Variants in SND1 observed in about 807,000 individuals in gnomAD.
SND1 encodes staphylococcal nuclease domain-containing protein 1.
Under a neutral mutation model 121.7 loss-of-function variants are expected in SND1, and 38 were observed. That is an observed-to-expected ratio of 0.31 (90% CI 0.24 to 0.41). The LOEUF is 0.41. SND1 is among the 10% of genes least tolerant of loss of function. The probability of loss-of-function intolerance (pLI) is 1.00; values close to 1 mark genes in which losing one functional copy is unlikely to be tolerated. For missense variants in SND1, 868 were observed against 1,184.6 expected (o/e 0.73, Z 3.92); for synonymous variants, 401 against 447.4 (o/e 0.90, Z 1.31).
chr7:128,025,957 C>T (rs1389489295), intron 16 of SND1, among the ~76,000 whole-genome samples: 2 of 151,780 alleles, frequency 1.3e-5, no homozygotes, highest in Non-Finnish European at 2.9e-5. Context: ...GACTGTTAGC[C>T]ACAGACCCTT....
At chr7:128,071,449 A>C (rs1160828595) in intron 16 of SND1, among the ~76,000 whole-genome samples, 1 of 152,254 alleles carries the variant, frequency 6.6e-6, no homozygotes, top group Non-Finnish European at 1.5e-5. Context: ...CTATCTTTTA[A>C]TTAAGAGAAG....
intron 16 of SND1, chr7:127,997,949 C>A (rs1802709947): frequency 1.9e-6 from 1 of 534,708 alleles, no homozygotes; most frequent in South Asian, 1.4e-5. Context: ...TCAGTTCCCA[C>A]AGCACCCTGT....
intron 10 of SND1, among the ~76,000 whole-genome samples, chr7:127,756,991 T>C (rs1396919112): frequency 1.3e-5 from 2 of 152,214 alleles, no homozygotes; most frequent in African/African-American, 4.8e-5. Context: ...AATGTAAATA[T>C]ATGTACAATT....
Position 128,006,235 on chromosome 7 carries a change from C to A in SND1, c.1779+15179C>A, listed in dbSNP as rs979414988. ...GAAACAAGCATGGGAAGGGTGCGTG[C>A]GTGCGTGCGTGTGTGTGTGTGTTCA... On this transcript the variant is annotated intron_variant, in intron 16 of 23. Coordinates refer to ENST00000354725, the MANE Select transcript of SND1 (RefSeq NM_014390.4). 2.6e-5 allele frequency among the ~76,000 whole-genome samples: 4 copies of A among 151,942 alleles called. No individual in the cohort carries two copies. The East Asian group carries it at 7.7e-4, about 29-fold the overall frequency.
chr7:128,001,606 T>C (rs571037695), intron 16 of SND1, among the ~76,000 whole-genome samples: 1 of 152,348 alleles, frequency 6.6e-6, no homozygotes, highest in South Asian at 2.1e-4. Flanking sequence ...ACTCAGTGAA[T>C]GGTAGCTTAC....
intron 10 of SND1, among the ~76,000 whole-genome samples, chr7:127,788,703 T>C (rs957571215): frequency 2.6e-5 from 4 of 152,218 alleles, no homozygotes; most frequent in African/African-American, 9.6e-5. Flanking sequence ...TGTCATATCT[T>C]CCTTCTTCAA....
intron 1 of SND1, among the ~76,000 whole-genome samples, chr7:127,672,288 TAAA>T (rs1795532560): frequency 6.6e-6 from 1 of 152,010 alleles, no homozygotes. Flanking sequence ...AGGAACACAA[TAAA>T]ACCATCAAGA....
At chr7:127,684,139 G>T (rs1297975433) in intron 1 of SND1, among the ~76,000 whole-genome samples, 1 of 152,326 alleles carries the variant, frequency 6.6e-6, no homozygotes, top group South Asian at 2.1e-4. Flanking sequence ...GAGCTTCTCA[G>T]TTTGATTTGT....
chr7:127,667,733 G>C (rs890824125), intron 1 of SND1, among the ~76,000 whole-genome samples: 14 of 152,334 alleles, frequency 9.2e-5, no homozygotes, highest in African/African-American at 3.4e-4. Flanking sequence ...CAATATTACA[G>C]ATCAGGCGTC....
intron 19 of SND1, 82 bp downstream of exon 19, chr7:128,084,929 C>T: frequency 1.4e-6 from 2 of 1,419,506 alleles, no homozygotes; most frequent in Non-Finnish European, 1.9e-6. Flanking sequence ...GTTGCCTTAG[C>T]AGTCTGGTTT....
intron 10 of SND1, among the ~76,000 whole-genome samples, chr7:127,806,348 A>G (rs778079347): frequency 6.6e-6 from 1 of 151,898 alleles, no homozygotes; most frequent in African/African-American, 2.4e-5. Context: ...TGTTACCTTC[A>G]TCTAGATAGA....
In SND1 at chr7:127,698,856, C is replaced by T. The variant is rs769607991; in HGVS notation, c.350-19C>T. ...GCAGGTTTGAATCTTGTTTTTAAATCCCCCCTTTTCCTCCTCAGATACCAA... is the reference window on the plus strand; with the variant it reads ...GCAGGTTTGAATCTTGTTTTTAAATTCCCCCTTTTCCTCCTCAGATACCAA... On this transcript the variant is annotated intron_variant, in intron 3 of 23. Coordinates refer to ENST00000354725, the MANE Select transcript of SND1 (RefSeq NM_014390.4). The T allele has an allele frequency of 6.8e-6, 11 of 1,608,796 alleles. No individual in the cohort carries two copies. The South Asian group carries it at 1.1e-4, about 16-fold the overall frequency.
chr7:127,704,520 C>T (rs1179946694), intron 7 of SND1, among the ~76,000 whole-genome samples: 1 of 152,192 alleles, frequency 6.6e-6, no homozygotes, highest in Admixed American at 6.5e-5. Flanking sequence ...TTAACATCCT[C>T]CTCTGCCCAC....
chr7:128,084,603 G>C, intron 18 of SND1, 121 bp from the exon 19 acceptor site: 1 of 1,073,724 alleles, frequency 9.3e-7, no homozygotes, highest in Non-Finnish European at 1.3e-6. Flanking sequence ...GACAGAGCCA[G>C]TGCTGCAGTG....
At chr7:127,829,699 A>G (rs907159558) in intron 11 of SND1, among the ~76,000 whole-genome samples, 2 of 152,248 alleles carry the variant, frequency 1.3e-5, no homozygotes, top group East Asian at 3.8e-4. Context: ...CCTTACAATC[A>G]GTACATTCTG....
intron 1 of SND1, among the ~76,000 whole-genome samples, chr7:127,662,968 GCAGCCTCAACCTCC>G (rs998955589): frequency 1.4e-5 from 2 of 143,580 alleles, no homozygotes; most frequent in Non-Finnish European, 3.0e-5. Context: ...ATGGCTTACT[GCAGCCTCAACCTCC>G]CAGGCTCAGG....
At chr7:127,832,047 T>C (rs1798751020) in intron 11 of SND1, among the ~76,000 whole-genome samples, 1 of 152,234 alleles carries the variant, frequency 6.6e-6, no homozygotes. Flanking sequence ...CATCTTTCCA[T>C]AGCAGAATGT....
At chr7:127,940,852 G>C (rs932850399) in intron 15 of SND1, among the ~76,000 whole-genome samples, 1 of 152,196 alleles carries the variant, frequency 6.6e-6, no homozygotes, top group Non-Finnish European at 1.5e-5. Flanking sequence ...TGTCCAATGT[G>C]GGCAGCATGT....
rs749404509 is a variant in SND1 at position 128,029,810 on chromosome 7, G to A, written c.1779+38754G>A. The A allele has an allele frequency of 9.3e-6, 15 of 1,613,640 alleles. No individual in the cohort carries two copies. Among genetic ancestry groups the A allele is most frequent in the East Asian group, 6.7e-5 (3 of 44,890 alleles). On this transcript the variant is annotated intron_variant, in intron 16 of 23. Transcript: ENST00000354725. The surrounding 1 kb of genome is among the most constrained non-coding windows in gnomAD (Gnocchi z 4.2). ...AGAGGTCATGGGGCAAAGAAGAGAG[G>A]TTATTGTGGGCCAAGTTGAGTTCCA... is the stretch of plus-strand genomic sequence containing the variant.
Sources: allele counts gnomAD v4.1 joint callset (sites outside exome capture counted in the v4.1 genomes callset), GRCh38; gene constraint gnomAD v4.1.1; non-coding constraint Gnocchi (gnomAD v3.1); transcripts MANE v1.5; gene names NCBI Gene and HGNC (gene_info 2026-07-23, HGNC 2026-07-21).